LHFPL5: variants seen among roughly 807,000 people sequenced by gnomAD.
The protein encoded by LHFPL5 is LHFPL tetraspan subfamily member 5 protein.
Under a neutral mutation model 18.7 loss-of-function variants are expected in LHFPL5, and 12 were observed. The ratio of observed to expected loss-of-function variants is 0.64; its 90% CI spans 0.41 to 1.04. The LOEUF is 1.04. Ranked by LOEUF, LHFPL5 falls within the 50% of genes least tolerant of loss-of-function variation. The pLI is 0.00. For synonymous variants in LHFPL5, 111 were observed against 120.2 expected (o/e 0.92, Z 0.50); for missense variants, 259 against 292.1 (o/e 0.89, Z 0.83).
chr6:35,818,947 T>C (rs2151071874), intron 2 of LHFPL5, among the ~76,000 whole-genome samples: 1 of 152,334 alleles, frequency 6.6e-6, no homozygotes, highest in East Asian at 1.9e-4. Context: ...TTCTCCTGCC[T>C]CAGCCTCCCA....
intron 2 of LHFPL5, among the ~76,000 whole-genome samples, chr6:35,816,465 A>G (rs942258380): frequency 1.3e-5 from 2 of 152,152 alleles, no homozygotes; most frequent in Non-Finnish European, 2.9e-5. Context: ...TTCCTGGGTC[A>G]GGGAAAGGCC....
intron 1 of LHFPL5, among the ~76,000 whole-genome samples, chr6:35,808,194 T>C (rs1227969327): frequency 1.3e-5 from 2 of 151,840 alleles, no homozygotes; most frequent in African/African-American, 4.8e-5. Context: ...CTCATGCCTG[T>C]AGTCCTAGCA....
intron 1 of LHFPL5, among the ~76,000 whole-genome samples, chr6:35,810,205 C>T (rs1441837918): frequency 1.3e-5 from 2 of 152,174 alleles, no homozygotes; most frequent in Non-Finnish European, 2.9e-5. Flanking sequence ...GGGCCCTACC[C>T]TCATGACCTA....
chr6:35,815,133 G>A lies in LHFPL5; in HGVS notation c.649+351G>A, dbSNP rs138667229. 1.7e-3 allele frequency among the ~76,000 whole-genome samples: 256 copies of A among 152,270 alleles called. 6 individuals are homozygous for A. The South Asian group carries it at 0.025, about 15-fold the overall frequency. On this transcript the variant is annotated intron_variant, in intron 2 of 3. Transcript: ENST00000360215. ...ATATTCCTGGAAGTTTGTTGGTGGA[G>A]ATGGGGAACAACAGCAGATGAGTTG...
In LHFPL5 at chr6:35,814,324, C is replaced by T. The variant is rs561733512; in HGVS notation, c.413-222C>T. Among the ~76,000 whole-genome samples, 1 of 152,190 alleles carries T rather than the reference C, an allele frequency of 6.6e-6. No homozygotes were observed. The highest frequency in any genetic ancestry group is 2.1e-4 in the South Asian group (1 of 4,814). ...GCTTAGGAGCTCAGCTCTGCCTCCG[C>T]CCCAACTACTGGGTCTCGGGGGCCA... On this transcript the variant is annotated intron_variant, in intron 1 of 3. Transcript: ENST00000360215. The surrounding 1 kb of genome is among the most constrained non-coding windows in gnomAD (Gnocchi z 4.2).
In LHFPL5 at chr6:35,814,842, G is replaced by C; in HGVS notation, c.649+60G>C. 1 of 1,463,062 alleles carries C rather than the reference G, an allele frequency of 6.8e-7. No homozygotes were observed. The highest frequency in any genetic ancestry group is 1.7e-5 in the Admixed American group (1 of 59,794). The allele number at this position is 1,463,062 out of a possible 1,614,324, so 90.6% of individuals were successfully genotyped here. A position where few individuals can be genotyped will look rare whatever the true frequency, so the allele number is the denominator to read the frequency against. On this transcript the variant is annotated intron_variant, in intron 2 of 3. Coordinates refer to ENST00000360215, the MANE Select transcript of LHFPL5 (RefSeq NM_182548.4). The surrounding 1 kb of genome is among the most constrained non-coding windows in gnomAD (Gnocchi z 4.2). ...TGGAGACCCTGGGATGTGGGTGGGG[G>C]TTCATCTTAGCCAGTCCTCTAAGGC...
At position 35,814,020 on chromosome 6, in the gene LHFPL5, C is replaced by T. The variant is rs1308271230; in HGVS notation, c.413-526C>T. 1.3e-5 allele frequency among the ~76,000 whole-genome samples: 2 copies of T among 152,042 alleles called. No individual in the cohort carries two copies. The highest frequency in any genetic ancestry group is 2.9e-5 in the Non-Finnish European group (2 of 68,004). ...CCATGTTGGTCAGGCTGGTCTCAAA[C>T]TCCCAACCTCAGGTGATCTGCCCGC... is the stretch of plus-strand genomic sequence containing the variant. On this transcript the variant is annotated intron_variant, in intron 1 of 3. Transcript: ENST00000360215. The surrounding 1 kb of genome is among the most constrained non-coding windows in gnomAD (Gnocchi z 4.2).
At position 35,823,388 on chromosome 6, in the gene LHFPL5, TACAC is replaced by T. The variant is rs67626900; in HGVS notation, c.*457_*460del. The stretch of plus-strand genomic sequence containing the variant: ...GATAGCATACACACACACATATATA[TACAC>T]ACACACACACACACACACACACACA... On this transcript the variant is annotated 3_prime_UTR_variant, in exon 4 of 4. Transcript: ENST00000360215. 0.28 allele frequency: 28,519 copies of T among 103,416 alleles called. 3,372 individuals carry two copies. Among genetic ancestry groups the T allele is most frequent in the Middle Eastern group, 0.36 (86 of 242 alleles). The allele number at this position is 103,416 out of a possible 1,614,324, so 6.4% of individuals were successfully genotyped here.
intron 2 of LHFPL5, among the ~76,000 whole-genome samples, chr6:35,816,505 A>T (rs1437367047): frequency 6.6e-6 from 1 of 152,150 alleles, no homozygotes; most frequent in East Asian, 1.9e-4. Flanking sequence ...GGATTCTATA[A>T]AGGGAAGAAA....
intron 2 of LHFPL5, among the ~76,000 whole-genome samples, chr6:35,818,781 A>G (rs1768815984): frequency 6.6e-6 from 1 of 150,810 alleles, no homozygotes; most frequent in Admixed American, 6.6e-5. Context: ...TTGATGCCAC[A>G]GTAGCAGATC....
rs1768733341 is a variant in LHFPL5 at position 35,814,922 on chromosome 6, C to A, written c.649+140C>A. 1.3e-6 allele frequency: 1 copy of A among 792,252 alleles called. No individual in the cohort carries two copies. Among genetic ancestry groups the A allele is most frequent in the Non-Finnish European group, 2.2e-6 (1 of 459,410 alleles). 49.1% of individuals were successfully genotyped at this position (792,252 alleles called of 1,614,324 possible). A position where few individuals can be genotyped will look rare whatever the true frequency, so the allele number is the denominator to read the frequency against. On this transcript the variant is annotated intron_variant, in intron 2 of 3. Transcript: ENST00000360215. The surrounding 1 kb of genome is among the most constrained non-coding windows in gnomAD (Gnocchi z 4.2). Reference sequence around the variant, plus strand: ...AAGACTAATCAGACACACCCCTTGTCCTCCCTGAAATCAAAGGCCAGTGGA... The same window carrying A: ...AAGACTAATCAGACACACCCCTTGTACTCCCTGAAATCAAAGGCCAGTGGA...
At chr6:35,822,854 C>T (rs1398565654) in intron 3 of LHFPL5, 128 bp from the exon 4 acceptor site, 1 of 152,250 alleles carries the variant, frequency 6.6e-6, no homozygotes, top group Non-Finnish European at 1.5e-5. Flanking sequence ...AAGTGATCCA[C>T]CCGGCTTGGC....
Position 35,823,448 on chromosome 6 carries a change from TACACACACACACACACACAC to T in LHFPL5, c.*494_*513del, listed in dbSNP as rs70975109. On this transcript the variant is annotated 3_prime_UTR_variant, in exon 4 of 4. Transcript: ENST00000360215. Reference sequence around the variant, plus strand: ...ACATACATACACACACACATATATATACACACACACACACACACACACACACACACTCTCTCTCTCTCTCA... The same window carrying T: ...ACATACATACACACACACATATATATACACACACACTCTCTCTCTCTCTCA... 1 of 76,884 alleles carries T rather than the reference TACACACACACACACACACAC, an allele frequency of 1.3e-5. No individual in the cohort carries two copies. Among genetic ancestry groups the T allele is most frequent in the East Asian group, 2.9e-4 (1 of 3,406 alleles). 4.8% of individuals were successfully genotyped at this position (76,884 alleles called of 1,614,324 possible).
At chr6:35,819,873 T>G (rs1768834516) in intron 3 of LHFPL5, 1 of 271,484 alleles carries the variant, frequency 3.7e-6, no homozygotes, top group Non-Finnish European at 7.2e-6. Context: ...GAAGCGGGGT[T>G]TCACCGTGTT....
At chr6:35,812,393 G>A (rs538971454) in intron 1 of LHFPL5, among the ~76,000 whole-genome samples, 1 of 152,254 alleles carries the variant, frequency 6.6e-6, no homozygotes, top group African/African-American at 2.4e-5. Flanking sequence ...CACAGATAAG[G>A]GGAGCACCCC....
intron 2 of LHFPL5, among the ~76,000 whole-genome samples, chr6:35,815,938 G>A (rs9462123): frequency 8.5e-5 from 13 of 152,122 alleles, no homozygotes; most frequent in Admixed American, 5.2e-4. Flanking sequence ...TTGGGAGGCC[G>A]AGGTGGGTGG....
intron 2 of LHFPL5, among the ~76,000 whole-genome samples, chr6:35,817,740 C>A (rs1266509160): frequency 6.6e-6 from 1 of 152,214 alleles, no homozygotes; most frequent in Non-Finnish European, 1.5e-5. Context: ...GAAATTGGAA[C>A]CCTCATTCAC....
intron 3 of LHFPL5, among the ~76,000 whole-genome samples, chr6:35,820,527 C>T (rs982486206): frequency 6.6e-6 from 1 of 151,732 alleles, no homozygotes; most frequent in African/African-American, 2.4e-5. Context: ...GGTGAAACCC[C>T]GTCTCTACTA....
intron 1 of LHFPL5, among the ~76,000 whole-genome samples, chr6:35,809,351 G>A (rs1262441777): frequency 6.6e-6 from 1 of 152,176 alleles, no homozygotes; most frequent in African/African-American, 2.4e-5. Flanking sequence ...CTGGAGGTCT[G>A]AGATCTGGGT....
Sources: gnomAD v4.1 joint callset for allele counts (sites outside exome capture counted in the v4.1 genomes callset) on GRCh38, gnomAD v4.1.1 for gene constraint, Gnocchi (gnomAD v3.1) non-coding constraint, MANE v1.5 for transcripts, NCBI Gene and HGNC (gene_info 2026-07-23, HGNC 2026-07-21) for gene names.